Variants in GRB10 observed in about 807,000 individuals in gnomAD.
The protein encoded by GRB10 is growth factor receptor bound protein 10.
GRB10 carries 20 observed loss-of-function variants against 80.9 expected under a neutral mutation model. The observed-to-expected ratio is 0.25, with a 90% confidence interval of 0.17 to 0.36. The LOEUF (loss-of-function observed/expected upper bound fraction) is 0.36, where lower values mean the gene tolerates loss of function less well. Among genes scored for constraint, GRB10 ranks in the 10% least tolerant of loss-of-function variants. GRB10 has a pLI of 1.00. For missense variants in GRB10, 548 were observed against 747.7 expected, an observed-to-expected ratio of 0.73 and a Z score of 3.12; for synonymous variants, 291 against 291.5, an observed-to-expected ratio of 1.00 and a Z score of 0.02.
chr7:50,772,279 C>T (rs537397007), intron 2 of GRB10, among the ~76,000 whole-genome samples: 3 of 152,318 alleles, frequency 2.0e-5, no homozygotes, highest in African/African-American at 4.8e-5. Flanking sequence ...TGACGCCACA[C>T]TATAACATAA....
Position 50,656,708 on chromosome 7 carries a change from G to A in GRB10, c.504+13014C>T, listed in dbSNP as rs535136395. On this transcript the variant is annotated intron_variant, in intron 7 of 18. Transcript: ENST00000401949. The stretch of plus-strand genomic sequence containing the variant: ...CAAAGCCACCGTGTGCTACCATGCG[G>A]TGCCTCTGAGCCACTCTCTCATTAG... Among the ~76,000 whole-genome samples the A allele has an allele frequency of 2.0e-5, 3 of 152,310 alleles. No individual in the cohort carries two copies. In the South Asian group the frequency reaches 6.2e-4, roughly 32 times the overall value.
At chr7:50,621,907 T>C (rs953287544) in intron 8 of GRB10, among the ~76,000 whole-genome samples, 7 of 152,248 alleles carry the variant, frequency 4.6e-5, no homozygotes, top group Non-Finnish European at 8.8e-5. Context: ...AAGAGAATCT[T>C]ACTTCCTTGC....
At chr7:50,736,658 C>T (rs1272131383) in intron 3 of GRB10, among the ~76,000 whole-genome samples, 1 of 152,138 alleles carries the variant, frequency 6.6e-6, no homozygotes, top group Non-Finnish European at 1.5e-5. Context: ...GTCACGTGCA[C>T]TGTAGTCCCA....
intron 7 of GRB10, among the ~76,000 whole-genome samples, chr7:50,668,476 C>T (rs891309862): frequency 4.6e-5 from 7 of 152,186 alleles, no homozygotes; most frequent in East Asian, 1.9e-4. Context: ...CACACTCAGC[C>T]GCACCATCAG....
chr7:50,702,232 C>T (rs561661787), intron 5 of GRB10, among the ~76,000 whole-genome samples: 30 of 152,344 alleles, frequency 2.0e-4, no homozygotes, highest in South Asian at 6.2e-4. Context: ...TCCCAGGCAA[C>T]GGCCCTTTTC....
At chr7:50,634,418 G>A (rs1233633929) in intron 7 of GRB10, among the ~76,000 whole-genome samples, 1 of 152,128 alleles carries the variant, frequency 6.6e-6, no homozygotes, top group African/African-American at 2.4e-5. Flanking sequence ...ACAAAAGGAT[G>A]ATACTCACCA....
chr7:50,628,473 G>A (rs147928888), intron 7 of GRB10, among the ~76,000 whole-genome samples: 97 of 152,194 alleles, frequency 6.4e-4, no homozygotes, highest in African/African-American at 2.3e-3. Context: ...CATTCTACAG[G>A]GACCCTCTTG....
chr7:50,686,386 T>C (rs1471710475), intron 5 of GRB10, among the ~76,000 whole-genome samples: 1 of 152,198 alleles, frequency 6.6e-6, no homozygotes, highest in Non-Finnish European at 1.5e-5. Context: ...TTTATGTTGT[T>C]TGTAAGCCAC....
At chr7:50,684,324 CCA>C (rs1350616759) in intron 5 of GRB10, among the ~76,000 whole-genome samples, 1 of 79,268 alleles carries the variant, frequency 1.3e-5, no homozygotes, top group Non-Finnish European at 2.6e-5. Flanking sequence ...TACTTTGATT[CCA>C]GTGAGATTTT....
chr7:50,687,437 C>T (rs2062234003), intron 5 of GRB10, among the ~76,000 whole-genome samples: 1 of 152,194 alleles, frequency 6.6e-6, no homozygotes, highest in Non-Finnish European at 1.5e-5. Flanking sequence ...CCTTGCCCAT[C>T]CCAATAGTGT....
intron 3 of GRB10, among the ~76,000 whole-genome samples, chr7:50,753,004 C>T (rs1466978651): frequency 6.6e-6 from 1 of 152,192 alleles, no homozygotes; most frequent in African/African-American, 2.4e-5. Context: ...CTGCCTCTCC[C>T]TCCTTGACCC....
At chr7:50,663,071 C>T (rs1397710753) in intron 7 of GRB10, among the ~76,000 whole-genome samples, 1 of 152,246 alleles carries the variant, frequency 6.6e-6, no homozygotes, top group African/African-American at 2.4e-5. Context: ...TGTCCCTGCT[C>T]CACGGGTGAG....
intron 2 of GRB10, among the ~76,000 whole-genome samples, chr7:50,774,133 G>A (rs1348376236): frequency 6.6e-6 from 1 of 152,234 alleles, no homozygotes; most frequent in Non-Finnish European, 1.5e-5. Context: ...CTATTCACAT[G>A]AAATGTCCTG....
At position 50,749,062 on chromosome 7, in the gene GRB10, G is replaced by A. The variant is rs557980873; in HGVS notation, c.-47+6825C>T. Among the ~76,000 whole-genome samples the A allele has an allele frequency of 2.0e-3, 300 of 152,092 alleles. 4 individuals carry two copies. Among genetic ancestry groups the A allele is most frequent in the Non-Finnish European group, 1.7e-3 (115 of 68,004 alleles). On this transcript the variant is annotated intron_variant, in intron 3 of 18. Coordinates refer to ENST00000401949, the MANE Select transcript of GRB10 (RefSeq NM_001350814.2). ...CAATTTGTCAAACTCAAATGGTCTA[G>A]ATGTTTACAAACACGTTAGTCAATT...
chr7:50,690,258 T>A (rs1392319847), intron 5 of GRB10, among the ~76,000 whole-genome samples: 1 of 151,408 alleles, frequency 6.6e-6, no homozygotes, highest in African/African-American at 2.4e-5. Flanking sequence ...ATCGTGCCAC[T>A]GCACTCCAGC....
chr7:50,669,860 G>C lies in GRB10; in HGVS notation c.366C>G (p.Arg122=). 1 of 1,610,788 alleles carries C rather than the reference G, an allele frequency of 6.2e-7. No individual in the cohort carries two copies. Among genetic ancestry groups the C allele is most frequent in the Non-Finnish European group, 8.5e-7 (1 of 1,178,488 alleles). Residue 122 remains arginine, a synonymous_variant, in exon 7 of 19, where the codon CGC becomes CGG. Coordinates refer to ENST00000401949, the MANE Select transcript of GRB10 (RefSeq NM_001350814.2). ...SQPVHILAVR[R]LQEEDQQFRT... ...TAAACTGCTGGTCTTCCTCCTGAAG[G>C]CGCCTGGAAGGCAGGGATAAGTGCC... is the stretch of plus-strand genomic sequence containing the variant.
At chr7:50,704,736 T>C (rs898781935) in intron 4 of GRB10, among the ~76,000 whole-genome samples, 2 of 152,314 alleles carry the variant, frequency 1.3e-5, no homozygotes, top group African/African-American at 2.4e-5. Context: ...ACCTTCCAGA[T>C]TGCAAACTGA....
Position 50,604,036 on chromosome 7 carries a change from T to C in GRB10, c.1506A>G (p.Glu502=). The C allele has an allele frequency of 6.2e-7, 1 of 1,614,156 alleles. No individual in the cohort carries two copies. The highest frequency in any genetic ancestry group is 8.5e-7 in the Non-Finnish European group (1 of 1,179,978). ...HWFHGRISRE[E]SHRIIKQQGL... is the part of the protein sequence containing the mutation. ...CTTGCTGTTTAATGATCCTGTGGGA[T>C]TCCTCCCTGGAGATCCTCCCGTGAA... The change falls in exon 17 of 19, where the codon GAA becomes GAG. Residue 502 remains glutamate, a synonymous_variant. Transcript: ENST00000401949.
intron 4 of GRB10, among the ~76,000 whole-genome samples, chr7:50,708,671 CTGT>C (rs1563535976): frequency 8.8e-6 from 1 of 113,492 alleles, no homozygotes; most frequent in Admixed American, 1.1e-4. Flanking sequence ...CCCTGTGAGT[CTGT>C]TTTTTTTTTT....
Sources: gnomAD v4.1 joint callset for allele counts (sites outside exome capture counted in the v4.1 genomes callset) on GRCh38, gnomAD v4.1.1 for gene constraint, MANE v1.5 for transcripts, NCBI Gene and HGNC (gene_info 2026-07-23, HGNC 2026-07-21) for gene names.